BICC1: variants seen among roughly 807,000 people sequenced by gnomAD.
BICC1 encodes BicC family RNA binding protein 1.
In BICC1, 43 loss-of-function variants were observed where a neutral mutation model predicts 111.0. The observed-to-expected ratio is 0.39, with a 90% CI of 0.30 to 0.50. The LOEUF (loss-of-function observed/expected upper bound fraction) is 0.50, where lower values mean the gene tolerates loss of function less well. Among genes scored for constraint, BICC1 ranks in the 20% least tolerant of loss-of-function variants. The probability of loss-of-function intolerance (pLI) is 0.88; values close to 1 mark genes in which losing one functional copy is unlikely to be tolerated. For synonymous variants in BICC1, 467 were observed against 434.4 expected, an observed-to-expected ratio of 1.07 and a Z score of -0.93; for missense variants, 1,091 against 1,203.2, an observed-to-expected ratio of 0.91 and a Z score of 1.38.
At chr10:58,653,333 A>G (rs1409890035) in intron 2 of BICC1, among the ~76,000 whole-genome samples, 1 of 151,986 alleles carries the variant, frequency 6.6e-6, no homozygotes, top group Non-Finnish European at 1.5e-5. Context: ...GAGATATTGC[A>G]TCATCTTGGT....
chr10:58,553,207 G>A (rs1223521284), intron 1 of BICC1, among the ~76,000 whole-genome samples: 1 of 152,134 alleles, frequency 6.6e-6, no homozygotes, highest in East Asian at 1.9e-4. Flanking sequence ...ACCATGGCAA[G>A]GGGAATTAGG....
At chr10:58,529,599 G>A (rs1420189200) in intron 1 of BICC1, among the ~76,000 whole-genome samples, 1 of 151,864 alleles carries the variant, frequency 6.6e-6, no homozygotes, top group East Asian at 1.9e-4. Flanking sequence ...AGAGAAATGT[G>A]TGTTTGGCTT....
intron 2 of BICC1, chr10:58,650,005 C>G (rs560826289): frequency 1.3e-5 from 2 of 152,044 alleles, no homozygotes; most frequent in African/African-American, 4.8e-5. Context: ...TGACTCACTA[C>G]GTAGCTACAT....
chr10:58,742,935 A>G (rs186383866), intron 3 of BICC1, among the ~76,000 whole-genome samples: 12 of 152,342 alleles, frequency 7.9e-5, no homozygotes, highest in African/African-American at 1.7e-4. Flanking sequence ...TAAATGATCA[A>G]TAGTATCCTG....
At chr10:58,795,692 T>A (rs1034568036) in intron 9 of BICC1, among the ~76,000 whole-genome samples, 2 of 152,008 alleles carry the variant, frequency 1.3e-5, no homozygotes, top group South Asian at 2.1e-4. Flanking sequence ...CCCCTTTGAG[T>A]TCACATTTCA....
At chr10:58,672,779 A>C (rs1238171028) in intron 2 of BICC1, among the ~76,000 whole-genome samples, 1 of 152,204 alleles carries the variant, frequency 6.6e-6, no homozygotes, top group African/African-American at 2.4e-5. Context: ...TACATTTCCT[A>C]ATACCTGAAA....
intron 1 of BICC1, among the ~76,000 whole-genome samples, chr10:58,563,723 G>A (rs186687520): frequency 2.0e-5 from 3 of 152,294 alleles, no homozygotes; most frequent in East Asian, 3.9e-4. Context: ...CAGAGACAAA[G>A]GGGTGTTTTA....
chr10:58,761,385 A>G (rs1842312173), intron 3 of BICC1, among the ~76,000 whole-genome samples: 1 of 152,204 alleles, frequency 6.6e-6, no homozygotes, highest in Non-Finnish European at 1.5e-5. Context: ...CTAAGGAATG[A>G]GTCAGTGAAA....
chr10:58,743,227 A>C (rs1380863402), intron 3 of BICC1, among the ~76,000 whole-genome samples: 1 of 152,172 alleles, frequency 6.6e-6, no homozygotes, highest in Non-Finnish European at 1.5e-5. Flanking sequence ...CGTTGGCTTA[A>C]AATTAAGTGG....
intron 3 of BICC1, among the ~76,000 whole-genome samples, chr10:58,775,441 CT>C (rs1842726117): frequency 6.6e-6 from 1 of 152,014 alleles, no homozygotes; most frequent in South Asian, 2.1e-4. Context: ...GGAACTTTGC[CT>C]TTGAATAAGT....
At chr10:58,740,538 G>A (rs1428914023) in intron 3 of BICC1, among the ~76,000 whole-genome samples, 1 of 152,120 alleles carries the variant, frequency 6.6e-6, no homozygotes. Flanking sequence ...TATTTGATGG[G>A]TGTATATATG....
Position 58,739,324 on chromosome 10 carries a change from C to T in BICC1, c.307+37181C>T, listed in dbSNP as rs186117127. ...TGTATTTTGTCAAAGGCCTTTTCTG[C>T]GTCTATTGAGATAATCATATGGTTT... On this transcript the variant is annotated intron_variant, in intron 3 of 20. Transcript: ENST00000373886. Among the ~76,000 whole-genome samples the T allele has an allele frequency of 8.0e-4, 122 of 152,220 alleles. 1 individual carries two copies. Among genetic ancestry groups the T allele is most frequent in the Middle Eastern group, 3.4e-3 (1 of 294 alleles).
intron 2 of BICC1, among the ~76,000 whole-genome samples, chr10:58,683,437 T>C (rs1839604320): frequency 6.6e-6 from 1 of 152,242 alleles, no homozygotes; most frequent in Admixed American, 6.5e-5. Context: ...GGTAGCTTGA[T>C]GGGGATGGCA....
intron 1 of BICC1, among the ~76,000 whole-genome samples, chr10:58,543,446 G>T (rs906349502): frequency 6.6e-6 from 1 of 152,100 alleles, no homozygotes; most frequent in Non-Finnish European, 1.5e-5. Context: ...ACAACAATGT[G>T]CATGTAGTCA....
intron 3 of BICC1, among the ~76,000 whole-genome samples, chr10:58,733,633 C>G (rs971629309): frequency 6.6e-6 from 1 of 152,218 alleles, no homozygotes; most frequent in East Asian, 1.9e-4. Context: ...GCTGTTGATG[C>G]AGCTGTTGGA....
intron 1 of BICC1, among the ~76,000 whole-genome samples, chr10:58,524,003 G>A (rs1337598359): frequency 6.6e-6 from 1 of 151,938 alleles, no homozygotes; most frequent in African/African-American, 2.4e-5. Flanking sequence ...GGGATGTGAA[G>A]GACCTCTTCA....
intron 1 of BICC1, among the ~76,000 whole-genome samples, chr10:58,569,170 A>C (rs2131974945): frequency 6.6e-6 from 1 of 152,294 alleles, no homozygotes; most frequent in South Asian, 2.1e-4. Flanking sequence ...AGAAAACAGC[A>C]CTTCAAGTTA....
Position 58,572,720 on chromosome 10 carries a change from A to G in BICC1, c.191-48135A>G, listed in dbSNP as rs78305447. On this transcript the variant is annotated intron_variant, in intron 1 of 20. Coordinates refer to ENST00000373886, the MANE Select transcript of BICC1 (RefSeq NM_001080512.3). ...ATATAGCACATATCTATATGTGAAT[A>G]TATAGAGAACAATGCTAGAATGATA... is the stretch of plus-strand genomic sequence containing the variant. Among the ~76,000 whole-genome samples, 1,179 of 152,236 alleles carry G rather than the reference A, an allele frequency of 7.7e-3. 11 individuals are homozygous for G. Among genetic ancestry groups the G allele is most frequent in the African/African-American group, 0.027 (1,106 of 41,552 alleles).
rs1202147167 is a variant in BICC1 at position 58,829,705 on chromosome 10, A to C, written c.*814A>C. On this transcript the variant is annotated 3_prime_UTR_variant, in exon 21 of 21. Coordinates refer to ENST00000373886, the MANE Select transcript of BICC1 (RefSeq NM_001080512.3). ...GCAGTATTAACCCTTTGCAGTCGTC[A>C]TACTTAGCTGCTGCCTGTAATGCTA... 1 of 152,196 alleles carries C rather than the reference A, an allele frequency of 6.6e-6. No homozygotes were observed. The highest frequency in any genetic ancestry group is 6.5e-5 in the Admixed American group (1 of 15,272). 9.4% of individuals were successfully genotyped at this position (152,196 alleles called of 1,614,324 possible).
Sources: gnomAD v4.1 joint callset for allele counts (sites outside exome capture counted in the v4.1 genomes callset) on GRCh38, gnomAD v4.1.1 for gene constraint, MANE v1.5 for transcripts, NCBI Gene and HGNC (gene_info 2026-07-23, HGNC 2026-07-21) for gene names.